Variants in EFNA5 observed in about 807,000 individuals in gnomAD.
EFNA5 encodes ephrin-A5.
Under a neutral mutation model 22.9 loss-of-function variants are expected in EFNA5, and 5 were observed. The ratio of observed to expected loss-of-function variants is 0.22; its 90% CI spans 0.11 to 0.46. The LOEUF (loss-of-function observed/expected upper bound fraction) is 0.46. Among genes scored for constraint, EFNA5 ranks in the 20% least tolerant of loss-of-function variants. The pLI is 0.99. For missense variants in EFNA5, 237 were observed against 293.3 expected, an observed-to-expected ratio of 0.81 and a Z score of 1.40; for synonymous variants, 113 against 112.2, an observed-to-expected ratio of 1.01 and a Z score of -0.04.
chr5:107,633,851 T>A (rs1030581247), intron 1 of EFNA5, among the ~76,000 whole-genome samples: 1 of 152,098 alleles, frequency 6.6e-6, no homozygotes, highest in African/African-American at 2.4e-5. Context: ...AGGCCACAGA[T>A]CCAAAGAACT....
Position 107,497,567 on chromosome 5 carries a change from T to C in EFNA5, c.126-70058A>G, listed in dbSNP as rs189797007. 7.5e-4 allele frequency among the ~76,000 whole-genome samples: 114 copies of C among 152,274 alleles called. 1 individual carries two copies. Among genetic ancestry groups the C allele is most frequent in the African/African-American group, 2.4e-3 (98 of 41,570 alleles). On this transcript the variant is annotated intron_variant, in intron 1 of 4. Coordinates refer to ENST00000333274, the MANE Select transcript of EFNA5 (RefSeq NM_001962.3). ...AAGTTCTAAAGAAGGCATAAGATGC[T>C]TGTTTGGTGTCTGCATCTCACGGCT...
chr5:107,430,537 G>GAA (rs200463352), intron 1 of EFNA5, among the ~76,000 whole-genome samples: 8 of 149,234 alleles, frequency 5.4e-5, no homozygotes, highest in Non-Finnish European at 1.0e-4. Flanking sequence ...TTCCACAACT[G>GAA]AAAAAAAAAT....
chr5:107,488,453 T>G (rs533262213), intron 1 of EFNA5, among the ~76,000 whole-genome samples: 6 of 152,332 alleles, frequency 3.9e-5, no homozygotes, highest in African/African-American at 1.4e-4. Flanking sequence ...TTCCCAGATA[T>G]CTCTAGTTAT....
chr5:107,476,064 T>A (rs1404602268), intron 1 of EFNA5, among the ~76,000 whole-genome samples: 4 of 31,968 alleles, frequency 1.3e-4, no homozygotes, highest in East Asian at 1.9e-3. Context: ...ATATTTTTTT[T>A]TTTTGAGACA....
At chr5:107,595,740 C>A (rs1439882518) in intron 1 of EFNA5, among the ~76,000 whole-genome samples, 2 of 152,194 alleles carry the variant, frequency 1.3e-5, no homozygotes, top group Non-Finnish European at 2.9e-5. Flanking sequence ...ACCCAGATTT[C>A]TTTCTTGTTT....
rs539631703 is a variant in EFNA5, at chr5:107,491,981, C to T, written c.126-64472G>A. 3.3e-5 allele frequency among the ~76,000 whole-genome samples: 5 copies of T among 152,136 alleles called. No individual in the cohort carries two copies. The South Asian group carries it at 6.2e-4, about 19-fold the overall frequency. On this transcript the variant is annotated intron_variant, in intron 1 of 4. Transcript: ENST00000333274. The stretch of plus-strand genomic sequence containing the variant: ...TCCCGAGTAGCTGGGATTACAGGTG[C>T]GCGCCACTATGCCAGGCTAATTTTT...
chr5:107,476,064 T>TTTC (rs1750298215), intron 1 of EFNA5, among the ~76,000 whole-genome samples: 1 of 32,012 alleles, frequency 3.1e-5, no homozygotes, highest in African/African-American at 4.5e-4. Flanking sequence ...ATATTTTTTT[T>TTTC]TTTTGAGACA....
chr5:107,597,747 C>A (rs566164258), intron 1 of EFNA5, among the ~76,000 whole-genome samples: 2 of 152,052 alleles, frequency 1.3e-5, no homozygotes, highest in African/African-American at 2.4e-5. Flanking sequence ...TTTCAACAGA[C>A]CGTGAACCAG....
chr5:107,621,677 C>A (rs1750042610), intron 1 of EFNA5, among the ~76,000 whole-genome samples: 1 of 152,022 alleles, frequency 6.6e-6, no homozygotes, highest in African/African-American at 2.4e-5. Context: ...ACCTAATTCA[C>A]AGGTTTATTA....
At chr5:107,433,412 C>A (rs1357053508) in intron 1 of EFNA5, among the ~76,000 whole-genome samples, 1 of 152,100 alleles carries the variant, frequency 6.6e-6, no homozygotes, top group African/African-American at 2.4e-5. Flanking sequence ...TCTTGATAAA[C>A]CAGAGGCCAC....
At chr5:107,418,510 G>C (rs1041550319) in intron 2 of EFNA5, among the ~76,000 whole-genome samples, 2 of 152,158 alleles carry the variant, frequency 1.3e-5, no homozygotes, top group Non-Finnish European at 2.9e-5. Flanking sequence ...GTCTCAGTAG[G>C]GTAAAGGAAG....
rs183591014 is a variant in EFNA5, at chr5:107,653,628, G to A, written c.125+16861C>T. Among the ~76,000 whole-genome samples, 476 of 152,284 alleles carry A rather than the reference G, an allele frequency of 3.1e-3. 4 individuals are homozygous for A. The highest frequency in any genetic ancestry group is 0.01 in the African/African-American group (419 of 41,560). ...TTCTAGATTTTATTTTAACTAGAGG[G>A]AAGAGGGGTATGGAGATAAATAGAT... On this transcript the variant is annotated intron_variant, in intron 1 of 4. Coordinates refer to ENST00000333274, the MANE Select transcript of EFNA5 (RefSeq NM_001962.3).
intron 1 of EFNA5, among the ~76,000 whole-genome samples, chr5:107,502,131 A>G (rs967086590): frequency 2.6e-5 from 4 of 152,212 alleles, no homozygotes; most frequent in Admixed American, 6.5e-5. Flanking sequence ...GCAGAAACCA[A>G]TCCTCTCAGT....
At chr5:107,665,280 A>C (rs1332048355) in intron 1 of EFNA5, among the ~76,000 whole-genome samples, 1 of 152,222 alleles carries the variant, frequency 6.6e-6, no homozygotes, top group East Asian at 1.9e-4. Context: ...GTCCTTATCC[A>C]ACAGGAAACC....
chr5:107,491,901 C>G (rs1478330251), intron 1 of EFNA5, among the ~76,000 whole-genome samples: 1 of 152,150 alleles, frequency 6.6e-6, no homozygotes, highest in African/African-American at 2.4e-5. Flanking sequence ...GTGGTGCAAT[C>G]TCGGCTCACT....
At chr5:107,575,193 C>T (rs895309518) in intron 1 of EFNA5, among the ~76,000 whole-genome samples, 1 of 152,162 alleles carries the variant, frequency 6.6e-6, no homozygotes, top group Non-Finnish European at 1.5e-5. Context: ...GAAAAGCAGC[C>T]TTTAGTCTGT....
chr5:107,582,367 T>C (rs562888950), intron 1 of EFNA5, among the ~76,000 whole-genome samples: 2 of 152,334 alleles, frequency 1.3e-5, no homozygotes, highest in East Asian at 3.9e-4. Flanking sequence ...GGGGCTGAGA[T>C]GATGCTTTGT....
chr5:107,659,496 C>CT (rs550340874), intron 1 of EFNA5, among the ~76,000 whole-genome samples: 2,888 of 129,242 alleles, frequency 0.022, 85 homozygotes, highest in African/African-American at 0.073. Context: ...TTGGGTTTTC[C>CT]TTTTTTTTTT....
At chr5:107,504,197 T>A (rs138739925) in intron 1 of EFNA5, among the ~76,000 whole-genome samples, 217 of 152,258 alleles carry the variant, frequency 1.4e-3, no homozygotes, top group Middle Eastern at 0.01. Context: ...GAGAGGGTAT[T>A]TTTTAAATTA....
Sources: allele counts gnomAD v4.1 joint callset (sites outside exome capture counted in the v4.1 genomes callset), GRCh38; gene constraint gnomAD v4.1.1; transcripts MANE v1.5; gene names NCBI Gene and HGNC (gene_info 2026-07-23, HGNC 2026-07-21).